AQP9: variants seen among roughly 807,000 people sequenced by gnomAD.
AQP9 encodes aquaporin 9, also known as aquaporin-9.
AQP9 carries 19 observed loss-of-function variants against 23.8 expected under a neutral mutation model. The observed-to-expected ratio is 0.80, with a 90% CI of 0.56 to 1.17. The LOEUF is 1.17. Ranked by LOEUF, AQP9 falls within the 50% of genes most tolerant of loss-of-function variation. AQP9 has a pLI of 0.00. For missense variants in AQP9, 413 were observed against 362.0 expected (o/e 1.14, Z -1.14); for synonymous variants, 153 against 131.5 (o/e 1.16, Z -1.12).
intron 1 of AQP9, chr15:58,153,963 C>T (rs1201850082): frequency 6.6e-6 from 1 of 152,126 alleles, no homozygotes. Context: ...TAATAATCGG[C>T]AGTATCTTCG....
At position 58,173,187 on chromosome 15, in the gene AQP9, G is replaced by A. The variant is rs200107166; in HGVS notation, c.358G>A (p.Val120Ile). The A allele has an allele frequency of 6.2e-5, 100 of 1,614,094 alleles. No homozygotes were observed. Among genetic ancestry groups the A allele is most frequent in the Middle Eastern group, 3.3e-4 (2 of 6,058 alleles). ...FLGAFVGAAT[V>I]FGIYYDGLMS... is the part of the protein sequence containing the mutation. ...GGGAGCCTTTGTGGGGGCTGCAACC[G>A]TCTTTGGCATTTACTATGGTGAGTA... is the stretch of plus-strand genomic sequence containing the variant. Residue 120 changes from valine to isoleucine, a missense_variant, in exon 3 of 6, where the codon GTC becomes ATC. Val to Ile is a conservative substitution (Grantham distance 29). Coordinates refer to ENST00000219919, the MANE Select transcript of AQP9 (RefSeq NM_020980.5).
intron 5 of AQP9, among the ~76,000 whole-genome samples, chr15:58,179,640 T>C (rs1898839673): frequency 6.6e-6 from 1 of 152,210 alleles, no homozygotes; most frequent in Non-Finnish European, 1.5e-5. Flanking sequence ...TATGATTTTA[T>C]GTGAACATTT....
rs1898984619 is a variant in AQP9 at position 58,184,862 on chromosome 15, G to C, written c.*727G>C. The C allele has an allele frequency of 6.6e-6, 1 of 152,198 alleles. No homozygotes were observed. The highest frequency in any genetic ancestry group is 6.5e-5 in the Admixed American group (1 of 15,288). The allele number at this position is 152,198 out of a possible 1,614,324, so 9.4% of individuals were successfully genotyped here. ...ACACCAATTAATTTCCTGGTCTTTA[G>C]TATATAATAACCTAAAATACCATTG... On this transcript the variant is annotated 3_prime_UTR_variant, in exon 6 of 6. Transcript: ENST00000219919.
intron 3 of AQP9, among the ~76,000 whole-genome samples, chr15:58,174,503 G>T (rs1898695375): frequency 6.6e-6 from 1 of 152,134 alleles, no homozygotes; most frequent in African/African-American, 2.4e-5. Flanking sequence ...GGCATCTTCA[G>T]TATACTGCAA....
rs754639376 is a variant in AQP9 at position 58,179,143 on chromosome 15, A to C, written c.511A>C (p.Ile171Leu). The C allele has an allele frequency of 1.6e-5, 26 of 1,612,662 alleles. No homozygotes were observed. The highest frequency in any genetic ancestry group is 1.7e-4 in the Middle Eastern group (1 of 6,056). Residue 171 changes from isoleucine to leucine, a missense_variant, in exon 5 of 6, where the codon ATA (isoleucine) becomes CTA (leucine). By Grantham distance (5) the Ile-to-Leu change is conservative. Transcript: ENST00000219919. Reference protein sequence around the residue: ...AFADQVVATMILLIIVFAIFD... With the variant: ...AFADQVVATMLLLIIVFAIFD... The stretch of plus-strand genomic sequence containing the variant: ...CCCTCTCCAGGTGGTGGCCACCATG[A>C]TACTCCTCATAATCGTCTTTGCCAT...
chr15:58,179,507 T>G (rs1218279169), intron 5 of AQP9, among the ~76,000 whole-genome samples, 162 bp downstream of exon 5: 2 of 87,378 alleles, frequency 2.3e-5, no homozygotes. Flanking sequence ...TTTTGTGGTA[T>G]GATGTGTGTG....
At chr15:58,153,778 C>G (rs1400291805) in intron 1 of AQP9, 1 of 152,110 alleles carries the variant, frequency 6.6e-6, no homozygotes, top group Non-Finnish European at 1.5e-5. Context: ...ATTATTGAAA[C>G]TGCAAACACA....
chr15:58,176,405 C>T (rs1312083767), intron 4 of AQP9, among the ~76,000 whole-genome samples: 1 of 151,938 alleles, frequency 6.6e-6, no homozygotes, highest in African/African-American at 2.4e-5. Flanking sequence ...GTAGTCCCAG[C>T]AACTTGGGAG....
Position 58,184,760 on chromosome 15 carries a change from G to A in AQP9, c.*625G>A, listed in dbSNP as rs1898980127. On this transcript the variant is annotated 3_prime_UTR_variant, in exon 6 of 6. Coordinates refer to ENST00000219919, the MANE Select transcript of AQP9 (RefSeq NM_020980.5). ...ATTCAGAAACTGCAGGAGACAAGAT[G>A]AATTTGAGAAGCCAAATGGAATTTT... 6.6e-6 allele frequency: 1 copy of A among 152,178 alleles called. No homozygotes were observed. Among genetic ancestry groups the A allele is most frequent in the Non-Finnish European group, 1.5e-5 (1 of 68,042 alleles). The allele number at this position is 152,178 out of a possible 1,614,324, so 9.4% of individuals were successfully genotyped here.
intron 1 of AQP9, chr15:58,155,864 G>C (rs1466240625): frequency 6.6e-6 from 1 of 151,986 alleles, no homozygotes; most frequent in Non-Finnish European, 1.5e-5. Flanking sequence ...TCTTATTCTA[G>C]CAGTTATTTC....
At chr15:58,169,152 A>C (rs978763631) in intron 2 of AQP9, among the ~76,000 whole-genome samples, 1 of 152,214 alleles carries the variant, frequency 6.6e-6, no homozygotes, top group Non-Finnish European at 1.5e-5. Context: ...CTGGGGTTGA[A>C]TCCCTATAGT....
chr15:58,151,346 A>G (rs183589370), intron 1 of AQP9: 1 of 152,272 alleles, frequency 6.6e-6, no homozygotes. Context: ...TATTCCAACA[A>G]TTATACTGTT....
rs947501788 is a variant in AQP9 at position 58,162,778 on chromosome 15, A to C, written c.112-3895A>C. Among the ~76,000 whole-genome samples the C allele has an allele frequency of 2.0e-5, 3 of 152,184 alleles. No homozygotes were observed. In the East Asian group the frequency reaches 5.8e-4, roughly 29 times the overall value. On this transcript the variant is annotated intron_variant, in intron 1 of 5. Coordinates refer to ENST00000219919, the MANE Select transcript of AQP9 (RefSeq NM_020980.5). ...AGGTATCAGAGGACAGTCAACATCAACCGTGAGATGCATGAATATGCAAGC... is the reference window on the plus strand; with the variant it reads ...AGGTATCAGAGGACAGTCAACATCACCCGTGAGATGCATGAATATGCAAGC...
intron 2 of AQP9, among the ~76,000 whole-genome samples, chr15:58,169,004 C>A (rs1363450651): frequency 3.3e-5 from 5 of 152,180 alleles, no homozygotes; most frequent in Admixed American, 3.3e-4. Context: ...ACACCCTTCA[C>A]CACTGCAATC....
intron 4 of AQP9, among the ~76,000 whole-genome samples, chr15:58,178,882 A>C (rs1325125441): frequency 6.6e-6 from 1 of 152,194 alleles, no homozygotes; most frequent in Non-Finnish European, 1.5e-5. Flanking sequence ...ACTGCCACCT[A>C]CTAAGTGGGC....
At chr15:58,173,324 C>G in intron 3 of AQP9, 119 bp downstream of exon 3, 1 of 1,420,870 alleles carries the variant, frequency 7.0e-7, no homozygotes, top group Non-Finnish European at 9.5e-7. Context: ...CAAGTGACAG[C>G]AAGTTCTAAA....
chr15:58,138,734 C>G (rs748689280), intron 1 of AQP9, 58 bp downstream of exon 1: 53 of 1,445,090 alleles, frequency 3.7e-5, no homozygotes, highest in Non-Finnish European at 5.0e-5. Context: ...AGCTGCCAGG[C>G]TGGTAGTGGA....
intron 1 of AQP9, among the ~76,000 whole-genome samples, chr15:58,158,709 T>G (rs1337208985): frequency 6.6e-6 from 1 of 152,208 alleles, no homozygotes. Context: ...CACTACAACA[T>G]TCTTTTAGTA....
At chr15:58,158,758 T>C (rs979125339) in intron 1 of AQP9, among the ~76,000 whole-genome samples, 6 of 152,218 alleles carry the variant, frequency 3.9e-5, no homozygotes, top group Non-Finnish European at 1.5e-5. Flanking sequence ...AAAAGGTAGA[T>C]AGAAGACATG....
Sources: gnomAD v4.1 joint callset for allele counts (sites outside exome capture counted in the v4.1 genomes callset) on GRCh38, gnomAD v4.1.1 for gene constraint, MANE v1.5 for transcripts, NCBI Gene and HGNC (gene_info 2026-07-23, HGNC 2026-07-21) for gene names.